The following SLC46A1 variants were observed in gnomAD, a reference collection of about 807,000 sequenced individuals.
SLC46A1 encodes proton-coupled folate transporter.
SLC46A1 carries 17 observed loss-of-function variants against 32.1 expected under a neutral mutation model. That is an observed-to-expected ratio of 0.53 (90% CI 0.36 to 0.79). The LOEUF (loss-of-function observed/expected upper bound fraction) is 0.79. Ranked by LOEUF, SLC46A1 falls within the 30% of genes least tolerant of loss-of-function variation. The pLI is 0.00. For missense variants in SLC46A1, 517 were observed against 588.2 expected, an observed-to-expected ratio of 0.88 and a Z score of 1.25; for synonymous variants, 240 against 262.7, an observed-to-expected ratio of 0.91 and a Z score of 0.84.
rs782003026 is a variant in SLC46A1 at position 28,396,054 on chromosome 17, G to A, written c.*3602C>T. 43 of 1,613,720 alleles carry A rather than the reference G, an allele frequency of 2.7e-5. No homozygotes were observed. The highest frequency in any genetic ancestry group is 3.6e-5 in the Non-Finnish European group (43 of 1,179,776). On this transcript the variant is annotated 3_prime_UTR_variant, in exon 5 of 5. Transcript: ENST00000612814. ...GAGCCCCAGGGCCCTGGGACCAGGG[G>A]GGTAGGGTACAAATCACCATGACAG... is the stretch of plus-strand genomic sequence containing the variant.
chr17:28,402,096 G>T, intron 3 of SLC46A1, 142 bp downstream of exon 3: 1 of 671,818 alleles, frequency 1.5e-6, no homozygotes, highest in Non-Finnish European at 2.5e-6. Context: ...CAATTTCACA[G>T]AAATGTGTTT....
chr17:28,401,467 C>G (rs2068196699), intron 3 of SLC46A1: 1 of 153,206 alleles, frequency 6.5e-6, no homozygotes, highest in Non-Finnish European at 1.5e-5. Flanking sequence ...GAGTCTCTGT[C>G]ATCATCAGAT....
At chr17:28,402,126 C>T in intron 3 of SLC46A1, 112 bp downstream of exon 3, 3 of 882,618 alleles carry the variant, frequency 3.4e-6, no homozygotes, top group Non-Finnish European at 5.1e-6. Context: ...ACTTACTTCT[C>T]CAGGGTGAGA....
Position 28,396,429 on chromosome 17 carries a change from C to T in SLC46A1, c.*3227G>A, listed in dbSNP as rs56736971. ...GCTCTCCCTCCCCCTGTCCCCCACC[C>T]TCATGGCCCACCTCCAACCCACTTT... On this transcript the variant is annotated 3_prime_UTR_variant, in exon 5 of 5. Transcript: ENST00000612814. The T allele has an allele frequency of 1.1e-6, 1 of 929,810 alleles. No individual in the cohort carries two copies. Among genetic ancestry groups the T allele is most frequent in the Non-Finnish European group, 1.6e-6 (1 of 618,886 alleles). The allele number at this position is 929,810 out of a possible 1,614,324, so 57.6% of individuals were successfully genotyped here. A position where few individuals can be genotyped will look rare whatever the true frequency, so the allele number is the denominator to read the frequency against.
At chr17:28,401,333 T>C (rs2068195575) in intron 3 of SLC46A1, 1 of 159,038 alleles carries the variant, frequency 6.3e-6, no homozygotes, top group South Asian at 1.8e-4. Context: ...GCTGTTCTTT[T>C]CTCCTGTTTC....
rs1555587979 is a variant in SLC46A1, at chr17:28,396,293, C to T, written c.*3363G>A. On this transcript the variant is annotated 3_prime_UTR_variant, in exon 5 of 5. Coordinates refer to ENST00000612814, the MANE Select transcript of SLC46A1 (RefSeq NM_080669.6). ...ACCCATGGGTCCAACCTAACCAGTC[C>T]CCAGTTCCCCAGCCCTGCTGTGACT... The T allele has an allele frequency of 1.9e-6, 3 of 1,613,730 alleles. No individual in the cohort carries two copies. In the South Asian group the frequency reaches 3.3e-5, roughly 18 times the overall value.
At position 28,397,255 on chromosome 17, in the gene SLC46A1, C is replaced by T. The variant is rs555975005; in HGVS notation, c.*2401G>A. On this transcript the variant is annotated 3_prime_UTR_variant, in exon 5 of 5. Coordinates refer to ENST00000612814, the MANE Select transcript of SLC46A1 (RefSeq NM_080669.6). ...AGGGTTGTCACTTAGGGCAGCTTCT[C>T]CAACTTTAACATGCATCCAAGTCAC... The T allele has an allele frequency of 6.6e-6, 1 of 152,636 alleles. No homozygotes were observed. The highest frequency in any genetic ancestry group is 2.1e-4 in the South Asian group (1 of 4,822). The allele number at this position is 152,636 out of a possible 1,614,324, so 9.5% of individuals were successfully genotyped here. A position where few individuals can be genotyped will look rare whatever the true frequency, so the allele number is the denominator to read the frequency against.
upstream of SLC46A1, chr17:28,406,294 G>T: frequency 4.2e-6 from 2 of 472,476 alleles, no homozygotes; most frequent in Non-Finnish European, 3.4e-6. This position sits in a 1 kb window ranked among gnomAD's most constrained non-coding sequence, Gnocchi z 4.5. Flanking sequence ...CGCCGCGGGT[G>T]CACCTGGCTG....
In SLC46A1 at chr17:28,395,741, T is replaced by G; in HGVS notation, c.*3915A>C. 1.5e-6 allele frequency: 1 copy of G among 675,890 alleles called. No homozygotes were observed. Among genetic ancestry groups the G allele is most frequent in the Non-Finnish European group, 2.5e-6 (1 of 402,840 alleles). 41.9% of individuals were successfully genotyped at this position (675,890 alleles called of 1,614,324 possible). A position where few individuals can be genotyped will look rare whatever the true frequency, so the allele number is the denominator to read the frequency against. ...TCTGGGCAAAGGAAAAATATTTATT[T>G]TTTATTACACTACAAGGGTTAAGGT... On this transcript the variant is annotated 3_prime_UTR_variant, in exon 5 of 5. Transcript: ENST00000612814.
chr17:28,402,491 C>T (rs917769833), intron 2 of SLC46A1, 170 bp from the exon 3 acceptor site: 9 of 561,240 alleles, frequency 1.6e-5, no homozygotes, highest in Non-Finnish European at 2.9e-5. Context: ...ATGGAGACTG[C>T]CCTTGTCTGG....
rs915523147 is a variant in SLC46A1, at chr17:28,399,624, C to T, written c.*32G>A. 7.4e-6 allele frequency: 12 copies of T among 1,613,166 alleles called. No individual in the cohort carries two copies. In the East Asian group the frequency reaches 2.5e-4, roughly 33 times the overall value. ...CCAGTTGCTTGGTGTTCACTTTGCTCCTCTTGCCCTCTGTCTTCTGGTCCA... is the reference window on the plus strand; with the variant it reads ...CCAGTTGCTTGGTGTTCACTTTGCTTCTCTTGCCCTCTGTCTTCTGGTCCA... On this transcript the variant is annotated 3_prime_UTR_variant, in exon 5 of 5. Transcript: ENST00000612814.
chr17:28,405,661 T>TC, intron 1 of SLC46A1, 193 bp from the exon 2 acceptor site: 1 of 975,652 alleles, frequency 1.0e-6, no homozygotes, highest in African/African-American at 1.6e-5. Flanking sequence ...TCCCTTTCCT[T>TC]TCCCCCCCCT....
chr17:28,402,328 A>G lies in SLC46A1; in HGVS notation c.1082-7T>C, dbSNP rs1324533955. 6.2e-7 allele frequency: 1 copy of G among 1,611,856 alleles called. No individual in the cohort carries two copies. The highest frequency in any genetic ancestry group is 1.7e-5 in the Admixed American group (1 of 59,780). On this transcript the variant is annotated splice_region_variant and splice_polypyrimidine_tract_variant and intron_variant, in intron 2 of 4. Transcript: ENST00000612814. ...AGGAAAAGCAACCCATATCCTGTGG[A>G]GAAACAAACACTCATCAGGAAAATG...
At chr17:28,402,133 G>A in intron 3 of SLC46A1, 105 bp downstream of exon 3, 1 of 944,902 alleles carries the variant, frequency 1.1e-6, no homozygotes, top group Non-Finnish European at 1.6e-6. Flanking sequence ...TCTCCAGGGT[G>A]AGAGGGGGGA....
At position 28,395,729 on chromosome 17, in the gene SLC46A1, A is replaced by C; in HGVS notation, c.*3927T>G. 1.9e-5 allele frequency: 12 copies of C among 635,422 alleles called. No individual in the cohort carries two copies. Among genetic ancestry groups the C allele is most frequent in the South Asian group, 4.0e-5 (2 of 50,440 alleles). 39.4% of individuals were successfully genotyped at this position (635,422 alleles called of 1,614,324 possible). A position where few individuals can be genotyped will look rare whatever the true frequency, so the allele number is the denominator to read the frequency against. The stretch of plus-strand genomic sequence containing the variant: ...TGTGCCAGGAACTCTGGGCAAAGGA[A>C]AAATATTTATTTTTTATTACACTAC... On this transcript the variant is annotated 3_prime_UTR_variant, in exon 5 of 5. Transcript: ENST00000612814.
intron 3 of SLC46A1, 24 bp from the exon 4 acceptor site, chr17:28,400,790 T>C: frequency 6.4e-7 from 1 of 1,550,748 alleles, no homozygotes. Context: ...AATACCATAC[T>C]CTGGAGTCCG....
upstream of SLC46A1, chr17:28,406,228 G>C: frequency 1.2e-6 from 1 of 803,394 alleles, no homozygotes; most frequent in Non-Finnish European, 1.7e-6. This position sits in a 1 kb window ranked among gnomAD's most constrained non-coding sequence, Gnocchi z 4.5. Context: ...TGCGCCCGGC[G>C]TCCCTCCTTA....
Position 28,399,662 on chromosome 17 carries a change from G to A in SLC46A1, c.1374C>T (p.Ser458=). 1 of 1,614,004 alleles carries A rather than the reference G, an allele frequency of 6.2e-7. No homozygotes were observed. Among genetic ancestry groups the A allele is most frequent in the Non-Finnish European group, 8.5e-7 (1 of 1,179,884 alleles). The change falls in exon 5 of 5, where the codon AGC becomes AGT. Residue 458 remains serine (S), a synonymous_variant. Transcript: ENST00000612814. The stretch of plus-strand genomic sequence containing the variant: ...GTCTTCTGGTCCAGGCAGATCAGGG[G>A]CTCTGGGGAAACTGCTGGAACTCGA... ...PHLEFQQFPQ[S]P
chr17:28,402,894 G>A (rs899991707), intron 2 of SLC46A1: 2 of 152,370 alleles, frequency 1.3e-5, no homozygotes, highest in African/African-American at 2.4e-5. Context: ...AGCCTCCTGA[G>A]AGAGCAGAGT....
Sources: gnomAD v4.1 joint callset for allele counts on GRCh38, gnomAD v4.1.1 for gene constraint, Gnocchi (gnomAD v3.1) non-coding constraint, MANE v1.5 for transcripts, NCBI Gene and HGNC (gene_info 2026-07-23, HGNC 2026-07-21) for gene names.